The following WWOX variants were observed in gnomAD, a reference collection of about 807,000 sequenced individuals.
WWOX encodes WW domain containing oxidoreductase.
In WWOX, 69 loss-of-function variants were observed where a neutral mutation model predicts 46.2. That is an observed-to-expected ratio of 1.49 (90% CI 1.23 to 1.82). The LOEUF (loss-of-function observed/expected upper bound fraction) is 1.82. Among genes scored for constraint, WWOX ranks in the 40% most tolerant of loss-of-function variants. The probability of loss-of-function intolerance (pLI) is 0.00; values close to 1 mark genes in which losing one functional copy is unlikely to be tolerated. For missense variants in WWOX, 919 were observed against 542.6 expected (o/e 1.69, Z -6.89); for synonymous variants, 359 against 202.6 (o/e 1.77, Z -6.56).
chr16:78,977,539 G>T (rs557258705), intron 8 of WWOX, among the ~76,000 whole-genome samples: 22 of 152,236 alleles, frequency 1.4e-4, no homozygotes, highest in Admixed American at 5.2e-4. Context: ...ATGTGTCCTT[G>T]TCTGGGGGAG....
At chr16:78,675,788 A>C (rs944041064) in intron 8 of WWOX, among the ~76,000 whole-genome samples, 1 of 152,234 alleles carries the variant, frequency 6.6e-6, no homozygotes, top group Non-Finnish European at 1.5e-5. Flanking sequence ...AGCCTGGGCA[A>C]CATAGCGAGA....
At chr16:79,160,812 CTG>C (rs893533223) in intron 8 of WWOX, among the ~76,000 whole-genome samples, 6 of 152,234 alleles carry the variant, frequency 3.9e-5, no homozygotes, top group Admixed American at 3.3e-4. Context: ...TGTATATGTT[CTG>C]TGTATATGTA....
chr16:78,575,594 C>T (rs1048937438), intron 8 of WWOX, among the ~76,000 whole-genome samples: 1 of 152,088 alleles, frequency 6.6e-6, no homozygotes, highest in African/African-American at 2.4e-5. Flanking sequence ...TCTCTTAAGT[C>T]GTGCATTTGA....
chr16:78,262,477 C>T (rs893398876), intron 5 of WWOX, among the ~76,000 whole-genome samples: 1 of 152,102 alleles, frequency 6.6e-6, no homozygotes, highest in African/African-American at 2.4e-5. Flanking sequence ...ATGGCAAACC[C>T]TAGTCCTTAT....
intron 8 of WWOX, among the ~76,000 whole-genome samples, chr16:78,456,383 T>TA (rs11367403): frequency 1.3e-5 from 2 of 151,896 alleles, no homozygotes; most frequent in Non-Finnish European, 2.9e-5. Context: ...ACAAACTTGT[T>TA]AAAAAAAATT....
At chr16:78,546,975 A>G (rs2044048395) in intron 8 of WWOX, among the ~76,000 whole-genome samples, 1 of 151,828 alleles carries the variant, frequency 6.6e-6, no homozygotes, top group African/African-American at 2.4e-5. Context: ...AAAAATAGAA[A>G]AAATTAGCTG....
intron 8 of WWOX, among the ~76,000 whole-genome samples, chr16:78,680,298 A>G (rs964811466): frequency 8.5e-4 from 129 of 151,928 alleles, no homozygotes; most frequent in Non-Finnish European, 7.4e-5. Flanking sequence ...AGTCCTGGCT[A>G]CTCAGAAGGC....
chr16:78,169,977 G>A (rs78676168), intron 5 of WWOX, among the ~76,000 whole-genome samples: 2,465 of 152,276 alleles, frequency 0.016, 72 homozygotes, highest in African/African-American at 0.057. Context: ...TGGACATTGA[G>A]ATGGCCACAG....
At chr16:78,592,881 G>T (rs2151604806) in intron 8 of WWOX, among the ~76,000 whole-genome samples, 1 of 152,282 alleles carries the variant, frequency 6.6e-6, no homozygotes, top group South Asian at 2.1e-4. Flanking sequence ...CAGGCAGCAT[G>T]AAAACGAAAA....
At chr16:78,692,278 A>G (rs539866059) in intron 8 of WWOX, among the ~76,000 whole-genome samples, 27 of 152,220 alleles carry the variant, frequency 1.8e-4, no homozygotes, top group Non-Finnish European at 3.7e-4. Flanking sequence ...GAAGAGAAGC[A>G]ACAACTTTTG....
chr16:78,685,128 G>A (rs2047825033), intron 8 of WWOX, among the ~76,000 whole-genome samples: 2 of 152,186 alleles, frequency 1.3e-5, no homozygotes, highest in African/African-American at 4.8e-5. Flanking sequence ...TCTGCAGCGT[G>A]ATGTCTAGTC....
chr16:78,287,472 C>G (rs971537759), intron 5 of WWOX, among the ~76,000 whole-genome samples: 108 of 152,280 alleles, frequency 7.1e-4, no homozygotes, highest in African/African-American at 2.5e-3. Flanking sequence ...TAGAGAGATA[C>G]TTAGTTCAAA....
At position 79,105,013 on chromosome 16, in the gene WWOX, G is replaced by T. The variant is rs148235184; in HGVS notation, c.1057-106595G>T. On this transcript the variant is annotated intron_variant, in intron 8 of 8. Coordinates refer to ENST00000566780, the MANE Select transcript of WWOX (RefSeq NM_016373.4). ...CTCATGATACTGGAAGGCAGTCTCC[G>T]GTCAGCACGGGGCTGGGTCTAGAGT... Among the ~76,000 whole-genome samples the T allele has an allele frequency of 4.2e-3, 636 of 152,186 alleles. 3 individuals carry two copies. The highest frequency in any genetic ancestry group is 8.1e-3 in the Admixed American group (124 of 15,274).
chr16:78,126,165 G>C (rs113300350), intron 4 of WWOX, among the ~76,000 whole-genome samples: 1 of 152,078 alleles, frequency 6.6e-6, no homozygotes, highest in South Asian at 2.1e-4. Context: ...TGGTACATTC[G>C]GGTGGTTTCC....
At chr16:79,065,144 C>A (rs1422336724) in intron 8 of WWOX, among the ~76,000 whole-genome samples, 1 of 152,174 alleles carries the variant, frequency 6.6e-6, no homozygotes, top group African/African-American at 2.4e-5. Context: ...TGCAGATAAA[C>A]CGTAAAAACT....
chr16:78,790,349 G>T (rs1419996009), intron 8 of WWOX, among the ~76,000 whole-genome samples: 1 of 152,086 alleles, frequency 6.6e-6, no homozygotes, highest in African/African-American at 2.4e-5. Flanking sequence ...TGGCCAGGCT[G>T]CTCTCAAACT....
intron 5 of WWOX, among the ~76,000 whole-genome samples, chr16:78,380,895 A>G (rs1449663445): frequency 1.3e-5 from 2 of 152,244 alleles, no homozygotes; most frequent in Non-Finnish European, 2.9e-5. Context: ...AGTGGCCTTC[A>G]AAATAATGAT....
chr16:78,829,834 G>A (rs1056947024), intron 8 of WWOX, among the ~76,000 whole-genome samples: 1 of 152,122 alleles, frequency 6.6e-6, no homozygotes, highest in African/African-American at 2.4e-5. Context: ...CCTCCTGCTA[G>A]CATTTTTCTT....
rs144945020 is a variant in WWOX at position 78,355,291 on chromosome 16, G to A, written c.517-31569G>A. Among the ~76,000 whole-genome samples, 492 of 152,146 alleles carry A rather than the reference G, an allele frequency of 3.2e-3. 12 individuals carry two copies. In the East Asian group the frequency reaches 0.082, roughly 25 times the overall value. ...AAAGTATGTATACATATACGTATATGTATGTGTATAGATAAAAATGCGTGT... is the reference window on the plus strand; with the variant it reads ...AAAGTATGTATACATATACGTATATATATGTGTATAGATAAAAATGCGTGT... On this transcript the variant is annotated intron_variant, in intron 5 of 8. Transcript: ENST00000566780.
Sources: gnomAD v4.1 joint callset for allele counts (sites outside exome capture counted in the v4.1 genomes callset) on GRCh38, gnomAD v4.1.1 for gene constraint, MANE v1.5 for transcripts, NCBI Gene and HGNC (gene_info 2026-07-23, HGNC 2026-07-21) for gene names.